The following TRAF3IP1 variants were observed in gnomAD, a reference collection of about 807,000 sequenced individuals.
TRAF3IP1 encodes intraflagellar transport 54.
In TRAF3IP1, 53 loss-of-function variants were observed where a neutral mutation model predicts 89.9. The observed-to-expected ratio is 0.59, with a 90% CI of 0.47 to 0.74. The LOEUF is 0.74. TRAF3IP1 is among the 30% of genes least tolerant of loss of function. The pLI is 0.00. For missense variants in TRAF3IP1, 806 were observed against 866.1 expected (o/e 0.93, Z 0.87); for synonymous variants, 311 against 322.1 (o/e 0.97, Z 0.37).
At chr2:238,397,045 C>T (rs1170260596) in intron 15 of TRAF3IP1, among the ~76,000 whole-genome samples, 1 of 152,216 alleles carries the variant, frequency 6.6e-6, no homozygotes, top group Non-Finnish European at 1.5e-5. Context: ...ATTTGAAGAG[C>T]TGTAGGGTCA....
At chr2:238,380,200 G>A (rs942344798) in intron 15 of TRAF3IP1, among the ~76,000 whole-genome samples, 1 of 152,108 alleles carries the variant, frequency 6.6e-6, no homozygotes, top group African/African-American at 2.4e-5. Context: ...AGGTGCTGGC[G>A]CTGGGTGTAA....
At chr2:238,358,461 A>C (rs1259414464) in intron 15 of TRAF3IP1, among the ~76,000 whole-genome samples, 1 of 152,194 alleles carries the variant, frequency 6.6e-6, no homozygotes, top group Non-Finnish European at 1.5e-5. Flanking sequence ...GCTTGAGCCC[A>C]GGAAGCAGAG....
Position 238,320,563 on chromosome 2 carries a change from GCGGCGGCGGCGGCGGGGC to G in TRAF3IP1, c.-89_-72del, listed in dbSNP as rs1316574492. Reference sequence around the variant, plus strand: ...GAGCGGCGCGTCCTGGCAGGACCGGGCGGCGGCGGCGGCGGGGCCGGCGGCGGCCAGGGACCCGGGCTT... The same window carrying G: ...GAGCGGCGCGTCCTGGCAGGACCGGGCGGCGGCGGCCAGGGACCCGGGCTT... On this transcript the variant is annotated 5_prime_UTR_variant, in exon 1 of 17. Coordinates refer to ENST00000373327, the MANE Select transcript of TRAF3IP1 (RefSeq NM_015650.4). The G allele has an allele frequency of 5.1e-6, 5 of 980,552 alleles. 1 individual carries two copies. Among genetic ancestry groups the G allele is most frequent in the African/African-American group, 1.8e-5 (1 of 56,694 alleles). The allele number at this position is 980,552 out of a possible 1,614,324, so 60.7% of individuals were successfully genotyped here.
At position 238,345,118 on chromosome 2, in the gene TRAF3IP1, G is replaced by T. The variant is rs931570098; in HGVS notation, c.1261+520G>T. Among the ~76,000 whole-genome samples the T allele has an allele frequency of 2.0e-5, 3 of 152,232 alleles. No individual in the cohort carries two copies. Among genetic ancestry groups the T allele is most frequent in the African/African-American group, 4.8e-5 (2 of 41,468 alleles). On this transcript the variant is annotated intron_variant, in intron 9 of 16. Transcript: ENST00000373327. This position sits in a 1 kb window ranked among gnomAD's most constrained non-coding sequence, Gnocchi z 4.7. ...TTGGAGCTCCTAACAGGCCTGCAAG[G>T]GTACCAGTGCCCAGGTAACCAAGGC...
rs115874443 is a variant in TRAF3IP1 at position 238,334,473 on chromosome 2, G to A, written c.1063+438G>A. On this transcript the variant is annotated intron_variant, in intron 7 of 16. Transcript: ENST00000373327. ...ATGATTGGAAGCCATGCTAAAAGCC[G>A]AATGTACAGGCCTGGCCTGCGGTCC... 5.5e-3 allele frequency among the ~76,000 whole-genome samples: 835 copies of A among 152,200 alleles called. 6 individuals carry two copies. The highest frequency in any genetic ancestry group is 0.02 in the African/African-American group (811 of 41,528).
intron 8 of TRAF3IP1, among the ~76,000 whole-genome samples, chr2:238,340,509 A>G (rs929828327): frequency 2.6e-5 from 4 of 152,192 alleles, no homozygotes; most frequent in African/African-American, 9.7e-5. Flanking sequence ...AGAGTTCAAC[A>G]AGGAATTTAT....
At position 238,399,689 on chromosome 2, in the gene TRAF3IP1, G is replaced by A. The variant is rs1701387500; in HGVS notation, c.*770G>A. 1 of 152,082 alleles carries A rather than the reference G, an allele frequency of 6.6e-6. No individual in the cohort carries two copies. Among genetic ancestry groups the A allele is most frequent in the South Asian group, 2.1e-4 (1 of 4,810 alleles). The allele number at this position is 152,082 out of a possible 1,614,324, so 9.4% of individuals were successfully genotyped here. On this transcript the variant is annotated 3_prime_UTR_variant, in exon 17 of 17. Coordinates refer to ENST00000373327, the MANE Select transcript of TRAF3IP1 (RefSeq NM_015650.4). Reference sequence around the variant, plus strand: ...ACAGAGGCTAGCGCAGCCCCCCGGAGTCCTTGTTCTCCTTAAGAGGGTCTC... The same window carrying A: ...ACAGAGGCTAGCGCAGCCCCCCGGAATCCTTGTTCTCCTTAAGAGGGTCTC...
chr2:238,398,479 C>G (rs1212094455), intron 16 of TRAF3IP1, among the ~76,000 whole-genome samples: 1 of 151,800 alleles, frequency 6.6e-6, no homozygotes, highest in Non-Finnish European at 1.5e-5. Flanking sequence ...TCAATGGGGA[C>G]TTTGCTGCAT....
chr2:238,327,252 A>G (rs6728448), intron 3 of TRAF3IP1, among the ~76,000 whole-genome samples: 18,181 of 152,252 alleles, frequency 0.12, 1,875 homozygotes, highest in African/African-American at 0.28. Flanking sequence ...TCACCCAGCA[A>G]CAATGTGGCG....
chr2:238,380,447 G>A lies in TRAF3IP1; in HGVS notation c.1690-17012G>A, dbSNP rs144143431. On this transcript the variant is annotated intron_variant, in intron 15 of 16. Coordinates refer to ENST00000373327, the MANE Select transcript of TRAF3IP1 (RefSeq NM_015650.4). ...TGGTGGGGGTGTCCTCTTGGATTTG[G>A]CTAATTTGAACAGGAAGCTCTGCAG... Among the ~76,000 whole-genome samples the A allele has an allele frequency of 3.3e-5, 5 of 152,274 alleles. No homozygotes were observed. In the East Asian group the frequency reaches 9.7e-4, roughly 29 times the overall value.
chr2:238,352,202 C>A (rs568904237), intron 12 of TRAF3IP1, among the ~76,000 whole-genome samples: 4 of 152,150 alleles, frequency 2.6e-5, no homozygotes, highest in African/African-American at 9.6e-5. Context: ...AGGACAAGGT[C>A]TGGGGCTGGA....
chr2:238,388,700 G>A (rs938375199), intron 15 of TRAF3IP1, among the ~76,000 whole-genome samples: 1 of 150,574 alleles, frequency 6.6e-6, no homozygotes, highest in East Asian at 2.0e-4. Context: ...TGGGCTCAAG[G>A]GCATCATCTT....
chr2:238,386,335 C>T lies in TRAF3IP1; in HGVS notation c.1690-11124C>T, dbSNP rs535875608. Among the ~76,000 whole-genome samples the T allele has an allele frequency of 2.6e-5, 4 of 152,174 alleles. No homozygotes were observed. The South Asian group carries it at 6.2e-4, about 24-fold the overall frequency. On this transcript the variant is annotated intron_variant, in intron 15 of 16. Transcript: ENST00000373327. ...CATTTTTTTATTTTTATTTTTGTGA[C>T]AGAGTCTCACTCTGTCTCCCAGGCT...
chr2:238,349,258 T>G, intron 11 of TRAF3IP1, 67 bp from the exon 12 acceptor site: 3 of 1,465,206 alleles, frequency 2.0e-6, no homozygotes, highest in Non-Finnish European at 2.8e-6. Flanking sequence ...ACCTGGGCTT[T>G]CTTTTCCAGT....
rs747134709 is a variant in TRAF3IP1 at position 238,320,765 on chromosome 2, C to G, written c.103C>G (p.Leu35Val). The G allele has an allele frequency of 2.1e-6, 3 of 1,429,232 alleles. No homozygotes were observed. The highest frequency in any genetic ancestry group is 2.8e-6 in the Non-Finnish European group (3 of 1,077,766). The allele number at this position is 1,429,232 out of a possible 1,614,324, so 88.5% of individuals were successfully genotyped here. A position where few individuals can be genotyped will look rare whatever the true frequency, so the allele number is the denominator to read the frequency against. Reference sequence around the variant, plus strand: ...GCTGAGCAAGCCCCCGTTCCGCTACCTGCACGACATCATCACGGAGGTGGG... The same window carrying G: ...GCTGAGCAAGCCCCCGTTCCGCTACGTGCACGACATCATCACGGAGGTGGG... ...KLLSKPPFRY[L>V]HDIITEVIRM... is the part of the protein sequence containing the mutation. The change falls in exon 1 of 17, where the codon CTG becomes GTG. Residue 35 changes from leucine to valine, a missense_variant. Leu to Val is a conservative substitution (Grantham distance 32). Transcript: ENST00000373327.
intron 15 of TRAF3IP1, among the ~76,000 whole-genome samples, chr2:238,380,628 G>A (rs1383498557): frequency 2.0e-5 from 3 of 152,134 alleles, no homozygotes; most frequent in Non-Finnish European, 4.4e-5. Context: ...AGCAGATCCT[G>A]CTCTTCCTGA....
At chr2:238,356,314 T>A (rs1201736155) in intron 15 of TRAF3IP1, among the ~76,000 whole-genome samples, 1 of 152,186 alleles carries the variant, frequency 6.6e-6, no homozygotes, top group East Asian at 1.9e-4. Flanking sequence ...CTGGGCAACA[T>A]GGTGAAACCC....
In TRAF3IP1 at chr2:238,367,163, C is replaced by CA. The variant is rs33964253; in HGVS notation, c.1689+11109dup. On this transcript the variant is annotated intron_variant, in intron 15 of 16. Transcript: ENST00000373327. ...TGGGTGACAAAGCAAGACTCTGTCT[C>CA]AAAAAAAAAAAAAAAAAAAAAAAAA... is the stretch of plus-strand genomic sequence containing the variant. 4.5e-3 allele frequency among the ~76,000 whole-genome samples: 164 copies of CA among 36,156 alleles called. 27 individuals carry two copies. The highest frequency in any genetic ancestry group is 0.024 in the East Asian group (16 of 664). The allele number at this position is 36,156 out of a possible 152,430, so 23.7% of individuals were successfully genotyped here. A position where few individuals can be genotyped will look rare whatever the true frequency, so the allele number is the denominator to read the frequency against.
intron 12 of TRAF3IP1, among the ~76,000 whole-genome samples, chr2:238,352,407 G>A (rs879667625): frequency 6.6e-6 from 1 of 152,202 alleles, no homozygotes; most frequent in Admixed American, 6.5e-5. Context: ...CCTGCCCTGA[G>A]GTTTGTGACC....
Sources: allele counts gnomAD v4.1 joint callset (sites outside exome capture counted in the v4.1 genomes callset), GRCh38; gene constraint gnomAD v4.1.1; non-coding constraint Gnocchi (gnomAD v3.1); transcripts MANE v1.5; gene names NCBI Gene and HGNC (gene_info 2026-07-23, HGNC 2026-07-21).